Variants in SPECC1L observed in about 807,000 individuals in gnomAD.
SPECC1L encodes cytospin-A.
A neutral mutation model predicts 116.8 loss-of-function variants in SPECC1L; 40 were observed. That is an observed-to-expected ratio of 0.34 (90% CI 0.27 to 0.45). The LOEUF (loss-of-function observed/expected upper bound fraction) is 0.45. Ranked by LOEUF, SPECC1L falls within the 20% of genes least tolerant of loss-of-function variation. The pLI is 1.00. For missense variants in SPECC1L, 1,110 were observed against 1,373.6 expected, an observed-to-expected ratio of 0.81 and a Z score of 3.03; for synonymous variants, 504 against 500.6, an observed-to-expected ratio of 1.01 and a Z score of -0.09.
At chr22:24,414,230 G>T (rs1438751381) in intron 16 of SPECC1L, among the ~76,000 whole-genome samples, 2 of 152,156 alleles carry the variant, frequency 1.3e-5, no homozygotes, top group African/African-American at 4.8e-5. Flanking sequence ...AAGAAGAGAG[G>T]CAGGCGCGGG....
chr22:24,317,005 T>G (rs2040588372), intron 4 of SPECC1L, among the ~76,000 whole-genome samples: 1 of 115,548 alleles, frequency 8.7e-6, no homozygotes. Context: ...GCCCCTCACC[T>G]CCTGGACGGG....
At chr22:24,401,658 G>T (rs1238726946) in intron 14 of SPECC1L, among the ~76,000 whole-genome samples, 1 of 152,180 alleles carries the variant, frequency 6.6e-6, no homozygotes. Context: ...CAGGCTGGGT[G>T]TGCCTTTGTA....
chr22:24,367,815 G>A (rs747741290), intron 13 of SPECC1L, among the ~76,000 whole-genome samples: 2 of 152,114 alleles, frequency 1.3e-5, no homozygotes, highest in Non-Finnish European at 2.9e-5. Context: ...TGTAACATAC[G>A]AACCTTTAGG....
chr22:24,271,509 C>A (rs2048727053), intron 1 of SPECC1L, among the ~76,000 whole-genome samples: 2 of 152,332 alleles, frequency 1.3e-5, no homozygotes, highest in Admixed American at 1.3e-4. Context: ...GACGGAACGT[C>A]CTTTTTTCTT....
intron 11 of SPECC1L, 21 bp downstream of exon 11, chr22:24,347,197 C>G: frequency 1.9e-6 from 3 of 1,575,154 alleles, no homozygotes; most frequent in Non-Finnish European, 2.6e-6. Context: ...TATGCCATAG[C>G]ATTTCACCTT....
At chr22:24,285,494 C>CT (rs2049023394) in intron 2 of SPECC1L, among the ~76,000 whole-genome samples, 1 of 152,200 alleles carries the variant, frequency 6.6e-6, no homozygotes, top group African/African-American at 2.4e-5. Flanking sequence ...CCCAACCAGT[C>CT]TGAGTTCTTT....
chr22:24,380,870 T>A (rs2042051113), intron 14 of SPECC1L, among the ~76,000 whole-genome samples: 2 of 152,016 alleles, frequency 1.3e-5, no homozygotes, highest in Non-Finnish European at 2.9e-5. Context: ...CCTTTTTTTC[T>A]CTTTTTTAAA....
chr22:24,337,147 G>C (rs1275529286), intron 9 of SPECC1L, among the ~76,000 whole-genome samples: 1 of 152,144 alleles, frequency 6.6e-6, no homozygotes, highest in South Asian at 2.1e-4. Context: ...GTTCGTAGCA[G>C]CTCTGCTCAC....
intron 4 of SPECC1L, among the ~76,000 whole-genome samples, chr22:24,313,892 C>T (rs2040508625): frequency 6.6e-6 from 1 of 151,968 alleles, no homozygotes; most frequent in African/African-American, 2.4e-5. Context: ...GCATGCGCCA[C>T]CATGCCTGGC....
At chr22:24,293,798 G>A (rs532327267) in intron 2 of SPECC1L, among the ~76,000 whole-genome samples, 2 of 126,950 alleles carry the variant, frequency 1.6e-5, no homozygotes, top group Admixed American at 8.6e-5. Context: ...GGCCAATTTA[G>A]GGAATCGCCA....
Position 24,321,977 on chromosome 22 carries a change from C to G in SPECC1L, c.997C>G (p.Leu333Val). 1.2e-6 allele frequency: 2 copies of G among 1,614,214 alleles called. No homozygotes were observed. Among genetic ancestry groups the G allele is most frequent in the East Asian group, 2.2e-5 (1 of 44,884 alleles). ...EDLLSQDENT[L>V]MDHQHSNSMD... Reference sequence around the variant, plus strand: ...TCTCTTGAGTCAGGATGAAAATACACTAATGGACCATCAGCACAGTAACTC... The same window carrying G: ...TCTCTTGAGTCAGGATGAAAATACAGTAATGGACCATCAGCACAGTAACTC... The change falls in exon 5 of 17, where the codon CTA (leucine) becomes GTA (valine). Residue 333 changes from leucine to valine, a missense_variant. Physicochemically the swap from Leu to Val is conservative, Grantham distance 32. Transcript: ENST00000314328.
chr22:24,326,599 CTTG>C lies in SPECC1L; in HGVS notation c.2146+2177_2146+2179del, dbSNP rs149633428. On this transcript the variant is annotated intron_variant, in intron 6 of 16. Transcript: ENST00000314328. ...TCTTTTGCTTATGAAGTCATCTACCCTTGTTGTCTCAACACAAGACTAGCCTTT... is the reference window on the plus strand; with the variant it reads ...TCTTTTGCTTATGAAGTCATCTACCCTTGTCTCAACACAAGACTAGCCTTT... Among the ~76,000 whole-genome samples, 262 of 152,324 alleles carry C rather than the reference CTTG, an allele frequency of 1.7e-3. 2 individuals carry two copies. In the East Asian group the frequency reaches 0.035, roughly 20 times the overall value.
At chr22:24,368,815 T>A (rs2041821044) in intron 13 of SPECC1L, among the ~76,000 whole-genome samples, 1 of 152,094 alleles carries the variant, frequency 6.6e-6, no homozygotes, top group African/African-American at 2.4e-5. Context: ...CCCAGCTAAT[T>A]TTTATATTTT....
At chr22:24,343,343 G>C (rs2041219036) in intron 10 of SPECC1L, 1 of 348,130 alleles carries the variant, frequency 2.9e-6, no homozygotes, top group African/African-American at 2.2e-5. Flanking sequence ...GCCCATTAAG[G>C]CATTGCTGAA....
At chr22:24,299,190 G>A (rs527440212) in intron 2 of SPECC1L, among the ~76,000 whole-genome samples, 1 of 152,190 alleles carries the variant, frequency 6.6e-6, no homozygotes, top group Admixed American at 6.5e-5. Context: ...TATAGTTGCT[G>A]TGTTAAGTAG....
At chr22:24,303,777 C>T (rs2049431117) in intron 3 of SPECC1L, among the ~76,000 whole-genome samples, 1 of 152,010 alleles carries the variant, frequency 6.6e-6, no homozygotes, top group Non-Finnish European at 1.5e-5. Context: ...AAACTGTACA[C>T]TTACTCTTGC....
At chr22:24,303,607 G>C (rs1405289891) in intron 3 of SPECC1L, among the ~76,000 whole-genome samples, 1 of 152,194 alleles carries the variant, frequency 6.6e-6, no homozygotes, top group Non-Finnish European at 1.5e-5. Flanking sequence ...GATGTGCACT[G>C]CTGCCTTCCT....
intron 14 of SPECC1L, among the ~76,000 whole-genome samples, chr22:24,370,177 A>T (rs541329563): frequency 6.6e-6 from 1 of 152,370 alleles, no homozygotes; most frequent in Non-Finnish European, 1.5e-5. Context: ...GGAAAAGAAG[A>T]TCTGCCATTA....
At chr22:24,412,543 G>A (rs1467314272) in intron 15 of SPECC1L, 105 bp from the exon 16 acceptor site, 3 of 1,014,854 alleles carry the variant, frequency 3.0e-6, no homozygotes, top group African/African-American at 1.6e-5. Flanking sequence ...ACCAGGTAGA[G>A]GTGAGTGTCG....
Sources: allele counts gnomAD v4.1 joint callset (sites outside exome capture counted in the v4.1 genomes callset), GRCh38; gene constraint gnomAD v4.1.1; transcripts MANE v1.5; gene names NCBI Gene and HGNC (gene_info 2026-07-23, HGNC 2026-07-21).